Variants in PTPRS observed in about 807,000 individuals in gnomAD.
PTPRS encodes protein tyrosine phosphatase receptor type S, also known as receptor-type tyrosine-protein phosphatase S.
Under a neutral mutation model 215.3 loss-of-function variants are expected in PTPRS, and 63 were observed. The ratio of observed to expected loss-of-function variants is 0.29; its 90% confidence interval spans 0.24 to 0.36. The LOEUF (loss-of-function observed/expected upper bound fraction) is 0.36. PTPRS is among the 10% of genes least tolerant of loss of function. PTPRS has a pLI of 1.00. For synonymous variants in PTPRS, 1,404 were observed against 1,191.4 expected (o/e 1.18, Z -3.68); for missense variants, 2,258 against 2,825.8 (o/e 0.80, Z 4.56).
chr19:5,338,284 T>A lies in PTPRS; in HGVS notation c.-95+2380A>T, dbSNP rs1382718226. Among the ~76,000 whole-genome samples, 1 of 152,156 alleles carries A rather than the reference T, an allele frequency of 6.6e-6. No homozygotes were observed. The highest frequency in any genetic ancestry group is 2.4e-5 in the African/African-American group (1 of 41,452). ...CCTGGGTCTCCTGCGACGTTTTGTT[T>A]GCCTGAGCCCAATTAGAACAACTCT... On this transcript the variant is annotated intron_variant, in intron 1 of 37. Coordinates refer to ENST00000262963, the MANE Select transcript of PTPRS (RefSeq NM_002850.4). The surrounding 1 kb of genome is among the most constrained non-coding windows in gnomAD (Gnocchi z 4.2).
chr19:5,235,384 CCTA>C (rs1440635023), intron 13 of PTPRS, among the ~76,000 whole-genome samples: 3 of 152,154 alleles, frequency 2.0e-5, no homozygotes, highest in African/African-American at 7.2e-5. Flanking sequence ...TTATTGAGCA[CCTA>C]CTATTTGCAC....
chr19:5,214,466 C>A lies in PTPRS; in HGVS notation c.4509G>T (p.Gln1503His). The A allele has an allele frequency of 1.9e-6, 3 of 1,614,160 alleles. No individual in the cohort carries two copies. Among genetic ancestry groups the A allele is most frequent in the Non-Finnish European group, 2.5e-6 (3 of 1,180,042 alleles). Residue 1503 changes from glutamine to histidine, a missense_variant, in exon 30 of 38, where the codon CAG (glutamine) becomes CAT (histidine). This residue lies in a region of PTPRS where 927 missense variants were observed against 1,125.9 expected (regional missense o/e 0.82). Coordinates refer to ENST00000262963, the MANE Select transcript of PTPRS (RefSeq NM_002850.4). The stretch of plus-strand genomic sequence containing the variant: ...TCTCCGTGCCTCTGTTGGGCCAATA[C>A]TGATCACACTTGATCTGTATCGGGC... ...LEEKSRIKCD[Q>H]YWPNRGTETY...
At position 5,211,609 on chromosome 19, in the gene PTPRS, T is replaced by C; in HGVS notation, c.5215A>G (p.Ser1739Gly). The change falls in exon 33 of 38, where the codon AGC becomes GGC. Residue 1739 changes from serine (S) to glycine (G), a missense_variant. Physicochemically the swap from Ser to Gly is moderately conservative, Grantham distance 56. Around this residue, in one of 6 missense-constraint regions of PTPRS, gnomAD observed 927 missense variants for 1,125.9 expected, o/e 0.82. Coordinates refer to ENST00000262963, the MANE Select transcript of PTPRS (RefSeq NM_002850.4). The stretch of plus-strand genomic sequence containing the variant: ...ACCTACCTGTAGCCATCAATGAAGC[T>C]GGCGTTGATGTAGTCAGAGCCCTCC... The part of the protein sequence containing the change: ...GVEGSDYINA[S>G]FIDGYRQQKA... 1.2e-6 allele frequency: 2 copies of C among 1,609,370 alleles called. No individual in the cohort carries two copies. Among genetic ancestry groups the C allele is most frequent in the Non-Finnish European group, 1.7e-6 (2 of 1,176,134 alleles).
intron 16 of PTPRS, among the ~76,000 whole-genome samples, chr19:5,227,439 A>G (rs1599511665): frequency 7.2e-6 from 1 of 139,598 alleles, no homozygotes; most frequent in Non-Finnish European, 1.5e-5. Flanking sequence ...TTGGACATAG[A>G]GTTTCGCTCT....
intron 22 of PTPRS, 26 bp from the exon 23 acceptor site, chr19:5,219,493 A>G (rs1404966395): frequency 1.3e-5 from 20 of 1,541,838 alleles, no homozygotes; most frequent in Non-Finnish European, 1.7e-5. Context: ...GGGGGTCTCC[A>G]TCAGTGTCCA....
rs906352496 is a variant in PTPRS at position 5,257,043 on chromosome 19, T to C, written c.707-924A>G. On this transcript the variant is annotated intron_variant, in intron 8 of 37. Transcript: ENST00000262963. The surrounding 1 kb of genome is among the most constrained non-coding windows in gnomAD (Gnocchi z 4.4). Reference sequence around the variant, plus strand: ...GGCGCCCTGGCATCCTGGCAGAAGCTGTTTCTACCACAAATCTGATCAGAA... The same window carrying C: ...GGCGCCCTGGCATCCTGGCAGAAGCCGTTTCTACCACAAATCTGATCAGAA... Among the ~76,000 whole-genome samples the C allele has an allele frequency of 8.6e-5, 13 of 151,580 alleles. No individual in the cohort carries two copies. The highest frequency in any genetic ancestry group is 1.6e-4 in the Non-Finnish European group (11 of 67,864).
Position 5,210,817 on chromosome 19 carries a change from G to C in PTPRS, c.5235-12C>G. 2 of 1,612,230 alleles carry C rather than the reference G, an allele frequency of 1.2e-6. No homozygotes were observed. Among genetic ancestry groups the C allele is most frequent in the Non-Finnish European group, 1.7e-6 (2 of 1,179,704 alleles). ...AGGCCTTCTGCTGCCTGCAGGCGTT[G>C]GGGGTATGAGCCCAGGGCCGGCAGG... On this transcript the variant is annotated splice_polypyrimidine_tract_variant and intron_variant, in intron 33 of 37. Transcript: ENST00000262963. This position sits in a 1 kb window ranked among gnomAD's most constrained non-coding sequence, Gnocchi z 4.5.
rs995947143 is a variant in PTPRS at position 5,229,356 on chromosome 19, G to A, written c.2350-14C>T. ...ATCCGTCTCCCACTGAGCGCGGGAGGAGGCGGCAGGGGAGAGAGGAGGAAG... is the reference window on the plus strand; with the variant it reads ...ATCCGTCTCCCACTGAGCGCGGGAGAAGGCGGCAGGGGAGAGAGGAGGAAG... On this transcript the variant is annotated splice_polypyrimidine_tract_variant and intron_variant, in intron 15 of 37. Transcript: ENST00000262963. The A allele has an allele frequency of 6.5e-6, 9 of 1,377,122 alleles. No individual in the cohort carries two copies. The African/African-American group carries it at 9.0e-5, about 14-fold the overall frequency. 85.3% of individuals were successfully genotyped at this position (1,377,122 alleles called of 1,614,324 possible). A position where few individuals can be genotyped will look rare whatever the true frequency, so the allele number is the denominator to read the frequency against.
In PTPRS at chr19:5,206,852, C is replaced by A. The variant is rs186731512; in HGVS notation, c.5779-10G>T. On this transcript the variant is annotated splice_polypyrimidine_tract_variant and intron_variant, in intron 37 of 37. Transcript: ENST00000262963. ...AGAACTGGTACTCATCCTGGGGGAG[C>A]AGAGGTGACCTGTTAGTACCTCCGC... The A allele has an allele frequency of 1.5e-4, 244 of 1,613,816 alleles. 1 individual carries two copies. The African/African-American group carries it at 2.9e-3, about 19-fold the overall frequency.
intron 3 of PTPRS, 126 bp downstream of exon 3, chr19:5,274,073 G>A (rs1219343892): frequency 5.2e-6 from 7 of 1,349,682 alleles, no homozygotes; most frequent in Middle Eastern, 5.3e-4. Flanking sequence ...GCGCAGCCAT[G>A]CTTGCTTGGC....
chr19:5,216,426 G>A (rs1029525472), intron 26 of PTPRS, among the ~76,000 whole-genome samples: 41 of 152,108 alleles, frequency 2.7e-4, no homozygotes, highest in Admixed American at 1.1e-3. Context: ...TGCCCCCCAA[G>A]AGCTCACATC....
At chr19:5,290,664 G>A (rs537137289) in intron 1 of PTPRS, among the ~76,000 whole-genome samples, 108 of 152,152 alleles carry the variant, frequency 7.1e-4, no homozygotes, top group African/African-American at 2.3e-3. Context: ...GCCCTGTCCT[G>A]GGGCGGGAGT....
intron 1 of PTPRS, among the ~76,000 whole-genome samples, chr19:5,308,853 C>T (rs556151371): frequency 6.6e-6 from 1 of 152,222 alleles, no homozygotes; most frequent in Non-Finnish European, 1.5e-5. Context: ...TGGTTCTTGG[C>T]CCGGATCCTA....
intron 1 of PTPRS, among the ~76,000 whole-genome samples, chr19:5,337,393 G>C (rs1172296928): frequency 6.6e-6 from 1 of 152,164 alleles, no homozygotes; most frequent in Non-Finnish European, 1.5e-5. Flanking sequence ...GCACCACCAA[G>C]TCACACCGTC....
At chr19:5,296,920 G>A (rs984713742) in intron 1 of PTPRS, among the ~76,000 whole-genome samples, 7 of 152,090 alleles carry the variant, frequency 4.6e-5, no homozygotes, top group African/African-American at 1.7e-4. Context: ...GCTGGGGCTG[G>A]ACTGGGTAGA....
chr19:5,229,411 G>A, intron 15 of PTPRS, 69 bp from the exon 16 acceptor site: 1 of 1,347,260 alleles, frequency 7.4e-7, no homozygotes, highest in East Asian at 3.0e-5. Flanking sequence ...GATGGAGAAA[G>A]AGAAGCAGAG....
At chr19:5,332,484 C>G (rs1386692968) in intron 1 of PTPRS, among the ~76,000 whole-genome samples, 1 of 152,202 alleles carries the variant, frequency 6.6e-6, no homozygotes, top group African/African-American at 2.4e-5. Context: ...GAAAAACCAA[C>G]AGATCTGGCC....
At position 5,220,351 on chromosome 19, in the gene PTPRS, C is replaced by T; in HGVS notation, c.3458G>A (p.Ser1153Asn). The change falls in exon 21 of 38, where the codon AGC becomes AAC. Residue 1153 changes from serine to asparagine, a missense_variant and splice_region_variant. Transcript: ENST00000262963. Reference protein sequence around the residue: ...PDGQSPVPVQSYFIVMVPLRK... With the variant: ...PDGQSPVPVQNYFIVMVPLRK... ...CAGTGGCACCATCACAATGAAATAGCTCCTGTAGGGAGATGGGAAAGAGTC... is the reference window on the plus strand; with the variant it reads ...CAGTGGCACCATCACAATGAAATAGTTCCTGTAGGGAGATGGGAAAGAGTC... 6.2e-7 allele frequency: 1 copy of T among 1,612,974 alleles called. No homozygotes were observed. Among genetic ancestry groups the T allele is most frequent in the Non-Finnish European group, 8.5e-7 (1 of 1,179,376 alleles).
In PTPRS at chr19:5,293,193, C is replaced by T. The variant is rs2048985193; in HGVS notation, c.-94-6959G>A. 1 of 151,706 alleles carries T rather than the reference C, an allele frequency of 6.6e-6. No homozygotes were observed. Among genetic ancestry groups the T allele is most frequent in the Non-Finnish European group, 1.5e-5 (1 of 67,820 alleles). 9.4% of individuals were successfully genotyped at this position (151,706 alleles called of 1,614,324 possible). A position where few individuals can be genotyped will look rare whatever the true frequency, so the allele number is the denominator to read the frequency against. The stretch of plus-strand genomic sequence containing the variant: ...CCCGCGAGGCCTCCACAGGGCCCGC[C>T]GCAGCCGCTCCCCGCGTCCCTCGGT... On this transcript the variant is annotated intron_variant, in intron 1 of 37. Transcript: ENST00000262963. The surrounding 1 kb of genome is among the most constrained non-coding windows in gnomAD (Gnocchi z 8.4).
Sources: allele counts gnomAD v4.1 joint callset (sites outside exome capture counted in the v4.1 genomes callset), GRCh38; gene constraint gnomAD v4.1.1; regional missense constraint gnomAD v4.1.1; non-coding constraint Gnocchi (gnomAD v3.1); transcripts MANE v1.5; gene names NCBI Gene and HGNC (gene_info 2026-07-23, HGNC 2026-07-21).